The following LRP6 variants were observed in gnomAD, a reference collection of about 807,000 sequenced individuals.
LRP6 encodes the protein low-density lipoprotein receptor-related protein 6.
LRP6 carries 43 observed loss-of-function variants against 184.1 expected under a neutral mutation model. The observed-to-expected ratio is 0.23, with a 90% CI of 0.18 to 0.30. LRP6 has a LOEUF of 0.30. Ranked by LOEUF, LRP6 falls within the 10% of genes least tolerant of loss-of-function variation. LRP6 has a pLI of 1.00. For synonymous variants in LRP6, 719 were observed against 684.9 expected, an observed-to-expected ratio of 1.05 and a Z score of -0.78; for missense variants, 1,571 against 2,005.3, an observed-to-expected ratio of 0.78 and a Z score of 4.14.
intron 2 of LRP6, among the ~76,000 whole-genome samples, chr12:12,224,882 C>T (rs1449806200): frequency 6.6e-6 from 1 of 152,158 alleles, no homozygotes; most frequent in Admixed American, 6.5e-5. Context: ...CATACCTATT[C>T]CCTGGATGCC....
chr12:12,202,116 TGAG>T (rs1863926414), intron 3 of LRP6, among the ~76,000 whole-genome samples: 1 of 152,254 alleles, frequency 6.6e-6, no homozygotes, highest in African/African-American at 2.4e-5. Flanking sequence ...GAACATAATC[TGAG>T]AAGAAATTCC....
intron 2 of LRP6, among the ~76,000 whole-genome samples, chr12:12,239,921 C>G (rs1197618587): frequency 1.3e-5 from 2 of 151,162 alleles, no homozygotes; most frequent in African/African-American, 4.9e-5. Context: ...ACAATTGAAA[C>G]TTATTAATTT....
At position 12,244,251 on chromosome 12, in the gene LRP6, C is replaced by T. The variant is rs771287106; in HGVS notation, c.449+11G>A. The T allele has an allele frequency of 1.9e-6, 3 of 1,613,944 alleles. No individual in the cohort carries two copies. The highest frequency in any genetic ancestry group is 2.2e-5 in the South Asian group (2 of 91,082). ...GGTATGATGATCTTCGTACACTGTA[C>T]AAAAACTTACCCACTTGAAGGATCT... On this transcript the variant is annotated intron_variant, in intron 2 of 22. Transcript: ENST00000261349.
chr12:12,232,586 C>CAAAAAAAA (rs34155963), intron 2 of LRP6, among the ~76,000 whole-genome samples: 1 of 115,738 alleles, frequency 8.6e-6, no homozygotes, highest in Admixed American at 8.3e-5. Flanking sequence ...CCAGCAGGTG[C>CAAAAAAAA]AAAAAAAAAA....
intron 1 of LRP6, among the ~76,000 whole-genome samples, chr12:12,257,624 GAAA>G (rs1348927364): frequency 1.5e-5 from 2 of 129,574 alleles, no homozygotes. Context: ...AGGGCTTAAT[GAAA>G]AAAAAAAAAG....
chr12:12,194,183 G>C (rs959855215), intron 3 of LRP6, among the ~76,000 whole-genome samples: 1 of 151,540 alleles, frequency 6.6e-6, no homozygotes, highest in Non-Finnish European at 1.5e-5. Context: ...GAATAGAAAG[G>C]AACTTCCTCA....
chr12:12,187,258 C>T (rs1863497635), intron 3 of LRP6, 139 bp from the exon 4 acceptor site: 2 of 701,310 alleles, frequency 2.9e-6, no homozygotes, highest in Non-Finnish European at 2.5e-6. Context: ...AGGTCAAATA[C>T]ACCTATAAAA....
At chr12:12,130,759 T>C (rs1212235023) in intron 19 of LRP6, 24 bp downstream of exon 19, 1 of 1,422,068 alleles carries the variant, frequency 7.0e-7, no homozygotes, top group African/African-American at 1.4e-5. Context: ...TTAAGAGTAA[T>C]TTATAGATCT....
chr12:12,249,450 C>T (rs2135927297), intron 1 of LRP6: 1 of 734,804 alleles, frequency 1.4e-6, no homozygotes, highest in South Asian at 1.5e-5. Context: ...AAAACCACAA[C>T]ACAGTGTTAC....
intron 1 of LRP6, among the ~76,000 whole-genome samples, chr12:12,247,875 T>G (rs1413072809): frequency 6.6e-6 from 1 of 152,156 alleles, no homozygotes; most frequent in Non-Finnish European, 1.5e-5. Flanking sequence ...AGTGGAACAC[T>G]CACAGTGCTC....
chr12:12,192,173 A>G (rs1863636262), intron 3 of LRP6, among the ~76,000 whole-genome samples: 1 of 152,096 alleles, frequency 6.6e-6, no homozygotes, highest in South Asian at 2.1e-4. Context: ...ATGGAGATAT[A>G]CTTAGAGTAA....
In LRP6 at chr12:12,120,588, A is replaced by G. The variant is rs1285916457; in HGVS notation, c.*538T>C. ...GCACTGTTGGATTCCTAGAGAAAAC[A>G]AAGCCCTTCGTCCAAGGTTAGTATT... On this transcript the variant is annotated 3_prime_UTR_variant, in exon 23 of 23. Coordinates refer to ENST00000261349, the MANE Select transcript of LRP6 (RefSeq NM_002336.3). 1 of 152,496 alleles carries G rather than the reference A, an allele frequency of 6.6e-6. No homozygotes were observed. Among genetic ancestry groups the G allele is most frequent in the Non-Finnish European group, 1.5e-5 (1 of 68,172 alleles). 9.4% of individuals were successfully genotyped at this position (152,496 alleles called of 1,614,324 possible). A position where few individuals can be genotyped will look rare whatever the true frequency, so the allele number is the denominator to read the frequency against.
intron 15 of LRP6, among the ~76,000 whole-genome samples, chr12:12,145,635 T>C (rs1023101479): frequency 1.4e-5 from 2 of 145,042 alleles, no homozygotes; most frequent in African/African-American, 5.1e-5. Context: ...TTTTTTTTTT[T>C]TTTTTTTTTT....
intron 1 of LRP6, among the ~76,000 whole-genome samples, chr12:12,263,812 C>T (rs193045380): frequency 6.6e-6 from 1 of 151,936 alleles, no homozygotes; most frequent in Admixed American, 6.6e-5. Flanking sequence ...CCAGCCTAGG[C>T]AACAGAGCAA....
chr12:12,252,337 C>T (rs182914657), intron 1 of LRP6, among the ~76,000 whole-genome samples: 62 of 152,250 alleles, frequency 4.1e-4, no homozygotes, highest in African/African-American at 1.4e-3. Context: ...CCCTAAGGGG[C>T]CCTAGAAAAT....
chr12:12,222,598 A>T (rs999411778), intron 2 of LRP6, among the ~76,000 whole-genome samples: 18 of 151,682 alleles, frequency 1.2e-4, no homozygotes, highest in African/African-American at 4.1e-4. Context: ...AAAGAAAGAA[A>T]GATTCCATTC....
In LRP6 at chr12:12,150,733, T is replaced by C. The variant is rs1173919777; in HGVS notation, c.2994+103A>G. ...CCAGAATTTCAGTTTCATACACACATACACACACACTTAAGCAGAGTCAAG... is the reference window on the plus strand; with the variant it reads ...CCAGAATTTCAGTTTCATACACACACACACACACACTTAAGCAGAGTCAAG... On this transcript the variant is annotated intron_variant, in intron 13 of 22. Transcript: ENST00000261349. The C allele has an allele frequency of 2.4e-6, 3 of 1,225,356 alleles. No homozygotes were observed. In the African/African-American group the frequency reaches 4.5e-5, roughly 18 times the overall value. 75.9% of individuals were successfully genotyped at this position (1,225,356 alleles called of 1,614,324 possible).
chr12:12,247,230 C>T (rs1198508608), intron 1 of LRP6, among the ~76,000 whole-genome samples: 1 of 152,134 alleles, frequency 6.6e-6, no homozygotes, highest in Admixed American at 6.5e-5. Context: ...CTAAGGAATA[C>T]CCACGAAACA....
At chr12:12,123,890 GCT>G (rs1272190644) in intron 22 of LRP6, among the ~76,000 whole-genome samples, 11 of 152,130 alleles carry the variant, frequency 7.2e-5, no homozygotes, top group African/African-American at 2.7e-4. Context: ...AAAATTCTGT[GCT>G]CTGAGTATGT....
Sources: allele counts gnomAD v4.1 joint callset (sites outside exome capture counted in the v4.1 genomes callset), GRCh38; gene constraint gnomAD v4.1.1; transcripts MANE v1.5; gene names NCBI Gene and HGNC (gene_info 2026-07-23, HGNC 2026-07-21).